EGFR: variants seen among roughly 807,000 people sequenced by gnomAD.
EGFR encodes the protein avian erythroblastic leukemia viral (v-erb-b) oncogene homolog.
In EGFR, 58 loss-of-function variants were observed where a neutral mutation model predicts 143.0. The ratio of observed to expected loss-of-function variants is 0.41; its 90% confidence interval spans 0.33 to 0.50. The LOEUF is 0.50. Among genes scored for constraint, EGFR ranks in the 20% least tolerant of loss-of-function variants. The probability of loss-of-function intolerance (pLI) is 0.39; values close to 1 mark genes in which losing one functional copy is unlikely to be tolerated. For missense variants in EGFR, 1,307 were observed against 1,579.0 expected (o/e 0.83, Z 2.92); for synonymous variants, 613 against 594.4 (o/e 1.03, Z -0.45).
At position 55,154,038 on chromosome 7, in the gene EGFR, A is replaced by C. The variant is rs1396651256; in HGVS notation, c.775A>C (p.Thr259Pro). The change falls in exon 7 of 28, where the codon ACG (threonine) becomes CCG (proline). Residue 259 changes from threonine (T) to proline (P), a missense_variant. Physicochemically the swap from Thr to Pro is conservative, Grantham distance 38. Around this residue, in one of 7 missense-constraint regions of EGFR, gnomAD observed 311 missense variants for 412.3 expected, o/e 0.75. Transcript: ENST00000275493. ...CTGCCGCAAATTCCGAGACGAAGCCACGTGCAAGGACACCTGCCCCCCACT... is the reference window on the plus strand; with the variant it reads ...CTGCCGCAAATTCCGAGACGAAGCCCCGTGCAAGGACACCTGCCCCCCACT... ...LVCRKFRDEA[T>P]CKDTCPPLML... is the part of the protein sequence containing the mutation. 6 of 1,614,158 alleles carry C rather than the reference A, an allele frequency of 3.7e-6. No homozygotes were observed. Among genetic ancestry groups the C allele is most frequent in the Non-Finnish European group, 5.1e-6 (6 of 1,180,026 alleles).
chr7:55,059,361 C>G (rs1789031809), intron 1 of EGFR, among the ~76,000 whole-genome samples: 1 of 152,176 alleles, frequency 6.6e-6, no homozygotes, highest in African/African-American at 2.4e-5. Flanking sequence ...TCAGGGAGTT[C>G]CAGCACGGCC....
chr7:55,146,660 A>G lies in EGFR; in HGVS notation c.479A>G (p.Glu160Gly). 1 of 1,614,108 alleles carries G rather than the reference A, an allele frequency of 6.2e-7. No individual in the cohort carries two copies. Among genetic ancestry groups the G allele is most frequent in the Non-Finnish European group, 8.5e-7 (1 of 1,179,970 alleles). ...AACAACCCTGCCCTGTGCAACGTGG[A>G]GAGCATCCAGTGGCGGGACATAGTC... Reference protein sequence around the residue: ...FSNNPALCNVESIQWRDIVSS... With the variant: ...FSNNPALCNVGSIQWRDIVSS... The change falls in exon 4 of 28, where the codon GAG (glutamate) becomes GGG (glycine). Residue 160 changes from glutamate to glycine, a missense_variant. By Grantham distance (98) the Glu-to-Gly change is moderately conservative. This residue lies in a region of EGFR where 311 missense variants were observed against 412.3 expected (regional missense o/e 0.75). Coordinates refer to ENST00000275493, the MANE Select transcript of EGFR (RefSeq NM_005228.5).
intron 3 of EGFR, among the ~76,000 whole-genome samples, chr7:55,146,258 T>C (rs1416530559): frequency 6.6e-6 from 1 of 152,056 alleles, no homozygotes; most frequent in Non-Finnish European, 1.5e-5. Context: ...CCCTACATCA[T>C]GCGACCATTC....
At chr7:55,191,528 T>C (rs1459312588) in intron 20 of EGFR, among the ~76,000 whole-genome samples, 191 bp from the exon 21 acceptor site, 1 of 152,182 alleles carries the variant, frequency 6.6e-6, no homozygotes, top group African/African-American at 2.4e-5. Flanking sequence ...GAAAAGTTAA[T>C]GGTCAGCAGC....
chr7:55,187,775 C>T lies in EGFR; in HGVS notation c.2470-3944C>T, dbSNP rs189370973. Among the ~76,000 whole-genome samples, 31 of 152,294 alleles carry T rather than the reference C, an allele frequency of 2.0e-4. No individual in the cohort carries two copies. The East Asian group carries it at 3.7e-3, about 18-fold the overall frequency. Reference sequence around the variant, plus strand: ...CCGTAGTTTCAGAGCCCCCCTGAACCCCATCCCTTACCTCTACCAGTTGCA... The same window carrying T: ...CCGTAGTTTCAGAGCCCCCCTGAACTCCATCCCTTACCTCTACCAGTTGCA... On this transcript the variant is annotated intron_variant, in intron 20 of 27. Transcript: ENST00000275493.
chr7:55,181,272 C>T lies in EGFR; in HGVS notation c.2284-21C>T, dbSNP rs201251727. The T allele has an allele frequency of 8.9e-4, 1,430 of 1,613,852 alleles. 12 individuals carry two copies. Among genetic ancestry groups the T allele is most frequent in the Middle Eastern group, 6.8e-3 (40 of 5,856 alleles). ...TGGCCACCATGCGAAGCCACACTGA[C>T]GTGCCTCTCCCTCCCTCCAGGAAGC... On this transcript the variant is annotated intron_variant, in intron 19 of 27. Transcript: ENST00000275493.
intron 1 of EGFR, among the ~76,000 whole-genome samples, chr7:55,113,322 T>C (rs1792629105): frequency 6.6e-6 from 1 of 152,238 alleles, no homozygotes. Context: ...CAGTACGCTT[T>C]CAGTAAACAT....
At chr7:55,201,163 A>G (rs768005145) in intron 24 of EGFR, 25 bp from the exon 25 acceptor site, 1 of 1,614,184 alleles carries the variant, frequency 6.2e-7, no homozygotes, top group Non-Finnish European at 8.5e-7. Flanking sequence ...GGGCCATTCT[A>G]ATAGCCTCAA....
chr7:55,046,870 C>G (rs1360753432), intron 1 of EGFR, among the ~76,000 whole-genome samples: 1 of 152,162 alleles, frequency 6.6e-6, no homozygotes, highest in Non-Finnish European at 1.5e-5. Context: ...CAGGGGAAAG[C>G]AGGGTACTTG....
intron 15 of EGFR, among the ~76,000 whole-genome samples, chr7:55,170,109 A>T (rs1275568151): frequency 6.6e-6 from 1 of 152,128 alleles, no homozygotes; most frequent in Non-Finnish European, 1.5e-5. Context: ...CTAAGCTCAA[A>T]AGCACCACAG....
chr7:55,026,631 G>A (rs1786901648), intron 1 of EGFR, among the ~76,000 whole-genome samples: 1 of 152,128 alleles, frequency 6.6e-6, no homozygotes, highest in Admixed American at 6.5e-5. Context: ...GCCAGTCTCG[G>A]GATAACCTCT....
chr7:55,096,788 G>A (rs1791497547), intron 1 of EGFR, among the ~76,000 whole-genome samples: 1 of 152,142 alleles, frequency 6.6e-6, no homozygotes, highest in Non-Finnish European at 1.5e-5. Flanking sequence ...AGCTTGCAGG[G>A]GCGCAGGCGC....
rs3735061 is a variant in EGFR, at chr7:55,096,174, G to A, written c.89-46112G>A. ...TTTGAGGTGAGTTCAGCACAAAAGC[G>A]TATCCCAGGCCCTCTGGCTCCAACT... On this transcript the variant is annotated intron_variant, in intron 1 of 27. Coordinates refer to ENST00000275493, the MANE Select transcript of EGFR (RefSeq NM_005228.5). 0.017 allele frequency among the ~76,000 whole-genome samples: 2,562 copies of A among 152,320 alleles called. 188 individuals are homozygous for A. The East Asian group carries it at 0.19, about 12-fold the overall frequency.
intron 1 of EGFR, among the ~76,000 whole-genome samples, chr7:55,020,812 C>G (rs970245374): frequency 6.6e-6 from 1 of 151,252 alleles, no homozygotes; most frequent in Non-Finnish European, 1.5e-5. Flanking sequence ...GTGCCCAGCG[C>G]GGTCGTTGGG....
At chr7:55,079,361 G>A (rs997432531) in intron 1 of EGFR, among the ~76,000 whole-genome samples, 5 of 152,208 alleles carry the variant, frequency 3.3e-5, no homozygotes, top group African/African-American at 1.2e-4. Flanking sequence ...GAAGATGCAG[G>A]AGCTGCGGCC....
chr7:55,162,691 A>C (rs996058066), intron 13 of EGFR, among the ~76,000 whole-genome samples: 1 of 152,252 alleles, frequency 6.6e-6, no homozygotes, highest in Admixed American at 6.5e-5. Flanking sequence ...AGCCCCCTTC[A>C]GCAAGGGCAG....
At chr7:55,085,336 G>T (rs951511088) in intron 1 of EGFR, among the ~76,000 whole-genome samples, 1 of 152,166 alleles carries the variant, frequency 6.6e-6, no homozygotes, top group Non-Finnish European at 1.5e-5. Flanking sequence ...CCTCCATGTG[G>T]CTCCTGCATG....
At chr7:55,168,343 T>C (rs1239553529) in intron 15 of EGFR, among the ~76,000 whole-genome samples, 1 of 152,250 alleles carries the variant, frequency 6.6e-6, no homozygotes, top group Non-Finnish European at 1.5e-5. Flanking sequence ...TATCTCTGTG[T>C]CAGTGAGCAT....
chr7:55,155,957 C>A lies in EGFR; in HGVS notation c.1006+11C>A, dbSNP rs1175002791. 6.2e-7 allele frequency: 1 copy of A among 1,601,688 alleles called. No homozygotes were observed. The highest frequency in any genetic ancestry group is 2.2e-5 in the East Asian group (1 of 44,584). ...GGCCTTGCCGCAAAGGTAGGAAGCC[C>A]GCCGGTGTGCGGACGAGGCTTGTTC... is the stretch of plus-strand genomic sequence containing the variant. On this transcript the variant is annotated intron_variant, in intron 8 of 27. Coordinates refer to ENST00000275493, the MANE Select transcript of EGFR (RefSeq NM_005228.5).
Sources: allele counts gnomAD v4.1 joint callset (sites outside exome capture counted in the v4.1 genomes callset), GRCh38; gene constraint gnomAD v4.1.1; regional missense constraint gnomAD v4.1.1; transcripts MANE v1.5; gene names NCBI Gene and HGNC (gene_info 2026-07-23, HGNC 2026-07-21).